The following MSH3 variants were observed in gnomAD, a reference collection of about 807,000 sequenced individuals.
MSH3 encodes mutS homolog 3.
MSH3 carries 106 observed loss-of-function variants against 123.3 expected under a neutral mutation model. The ratio of observed to expected loss-of-function variants is 0.86; its 90% CI spans 0.73 to 1.01. The LOEUF (loss-of-function observed/expected upper bound fraction) is 1.01. Ranked by LOEUF, MSH3 falls within the 50% of genes least tolerant of loss-of-function variation. The pLI is 0.00. For missense variants in MSH3, 1,459 were observed against 1,347.6 expected (o/e 1.08, Z -1.29); for synonymous variants, 515 against 481.4 (o/e 1.07, Z -0.91).
chr5:80,853,337 T>C (rs142176478), intron 20 of MSH3, among the ~76,000 whole-genome samples: 1 of 152,234 alleles, frequency 6.6e-6, no homozygotes, highest in African/African-American at 2.4e-5. Flanking sequence ...TAGCCAGGTG[T>C]GGTGGCATGC....
intron 2 of MSH3, among the ~76,000 whole-genome samples, chr5:80,661,704 C>G (rs1749438731): frequency 6.6e-6 from 1 of 152,084 alleles, no homozygotes; most frequent in Non-Finnish European, 1.5e-5. Context: ...CAGATTTTTC[C>G]TATTTTTTGC....
At chr5:80,667,706 A>G (rs1388593606) in intron 3 of MSH3, among the ~76,000 whole-genome samples, 1 of 152,166 alleles carries the variant, frequency 6.6e-6, no homozygotes, top group Non-Finnish European at 1.5e-5. Context: ...GCGTACCACA[A>G]ACAGCTTCCA....
At chr5:80,698,777 G>A (rs1027425180) in intron 8 of MSH3, among the ~76,000 whole-genome samples, 2 of 148,174 alleles carry the variant, frequency 1.3e-5, no homozygotes, top group Admixed American at 6.7e-5. Flanking sequence ...ACAGGAAGGG[G>A]AACCTCACAC....
At chr5:80,684,439 T>G (rs182487155) in intron 8 of MSH3, among the ~76,000 whole-genome samples, 43 of 152,330 alleles carry the variant, frequency 2.8e-4, no homozygotes, top group African/African-American at 9.9e-4. Flanking sequence ...GTAGCTATTG[T>G]AAATGGGATT....
In MSH3 at chr5:80,787,686, C is replaced by CA; in HGVS notation, c.2543+15dup. 6.5e-7 allele frequency: 1 copy of CA among 1,544,814 alleles called. No individual in the cohort carries two copies. The highest frequency in any genetic ancestry group is 9.0e-7 in the Non-Finnish European group (1 of 1,117,230). On this transcript the variant is annotated intron_variant, in intron 18 of 23. Coordinates refer to ENST00000265081, the MANE Select transcript of MSH3 (RefSeq NM_002439.5). Reference sequence around the variant, plus strand: ...AGATTACTGCAGGTAAGATATTTTTCATTTTCCTCTTTATCAGTGCTTTAG... The same window carrying CA: ...AGATTACTGCAGGTAAGATATTTTTCAATTTTCCTCTTTATCAGTGCTTTAG...
chr5:80,746,354 G>A (rs576207097), intron 12 of MSH3: 100 of 386,938 alleles, frequency 2.6e-4, no homozygotes, highest in Non-Finnish European at 4.2e-4. Context: ...TGTTCACACC[G>A]CTGGTTCGCT....
At chr5:80,838,359 A>G (rs999194956) in intron 20 of MSH3, among the ~76,000 whole-genome samples, 3 of 152,160 alleles carry the variant, frequency 2.0e-5, no homozygotes, top group Non-Finnish European at 4.4e-5. Context: ...ATGACTGACT[A>G]TCCTTTTGAG....
At position 80,843,981 on chromosome 5, in the gene MSH3, T is replaced by C. The variant is rs186828919; in HGVS notation, c.2814-10149T>C. ...GCTCTTGCTTCTCTAGTTCTTTTAA[T>C]TGTGATGTTAAGGTGTCGATTTTAG... On this transcript the variant is annotated intron_variant, in intron 20 of 23. Transcript: ENST00000265081. Among the ~76,000 whole-genome samples, 43 of 152,008 alleles carry C rather than the reference T, an allele frequency of 2.8e-4. No individual in the cohort carries two copies. In the East Asian group the frequency reaches 7.0e-3, roughly 25 times the overall value.
chr5:80,698,057 T>G lies in MSH3; in HGVS notation c.1340+18964T>G, dbSNP rs6151687. On this transcript the variant is annotated intron_variant, in intron 8 of 23. Coordinates refer to ENST00000265081, the MANE Select transcript of MSH3 (RefSeq NM_002439.5). ...TGAGTAGCTGGGACTGCAGGTGTGC[T>G]CAACCACACCCAGCTAATTTTTTTT... 7.5e-3 allele frequency among the ~76,000 whole-genome samples: 1,143 copies of G among 152,024 alleles called. 16 individuals carry two copies. Among genetic ancestry groups the G allele is most frequent in the African/African-American group, 0.025 (1,039 of 41,472 alleles).
At chr5:80,855,055 T>C (rs1004220215) in intron 21 of MSH3, among the ~76,000 whole-genome samples, 20 of 152,290 alleles carry the variant, frequency 1.3e-4, no homozygotes, top group Middle Eastern at 3.4e-3. Context: ...ACATGTCTCC[T>C]TTTTTTCAGG....
chr5:80,657,762 T>C (rs1382542), intron 2 of MSH3, among the ~76,000 whole-genome samples: 39,496 of 152,062 alleles, frequency 0.26, 5,332 homozygotes, highest in Middle Eastern at 0.36. Flanking sequence ...AACATGAAAG[T>C]GTTAGTATGA....
In MSH3 at chr5:80,768,028, G is replaced by A. The variant is rs144019582; in HGVS notation, c.1992G>A (p.Gln664=). ...AIIPAVNSHI[Q]SDLLRTVILE... ...TACCTGCTGTTAATTCCCACATTCA[G>A]TCAGACTTGCTCCGGACCGTTATTT... The change falls in exon 14 of 24, where the codon CAG becomes CAA. Residue 664 remains glutamine, a synonymous_variant. Coordinates refer to ENST00000265081, the MANE Select transcript of MSH3 (RefSeq NM_002439.5). 8.9e-4 allele frequency: 1,430 copies of A among 1,613,706 alleles called. 3 individuals carry two copies. The highest frequency in any genetic ancestry group is 1.0e-3 in the Non-Finnish European group (1,227 of 1,179,750).
chr5:80,710,660 A>G (rs1750839152), intron 8 of MSH3, among the ~76,000 whole-genome samples: 1 of 152,166 alleles, frequency 6.6e-6, no homozygotes, highest in African/African-American at 2.4e-5. Flanking sequence ...GTTAACTGAG[A>G]ATATGTGCAC....
intron 18 of MSH3, among the ~76,000 whole-genome samples, chr5:80,789,958 T>A (rs1744580556): frequency 6.6e-6 from 1 of 152,222 alleles, no homozygotes; most frequent in African/African-American, 2.4e-5. Context: ...ACCTGTTATG[T>A]TGACAAACAT....
chr5:80,674,557 C>G (rs1046146762), intron 6 of MSH3, among the ~76,000 whole-genome samples: 3 of 152,076 alleles, frequency 2.0e-5, no homozygotes, highest in Non-Finnish European at 2.9e-5. Flanking sequence ...GTCTGGTGTA[C>G]TCCACTAAGC....
At chr5:80,740,317 C>G (rs1043357503) in intron 10 of MSH3, among the ~76,000 whole-genome samples, 1 of 151,366 alleles carries the variant, frequency 6.6e-6, no homozygotes, top group Non-Finnish European at 1.5e-5. Context: ...TGTTTTATAC[C>G]CACTAAATTT....
intron 20 of MSH3, among the ~76,000 whole-genome samples, chr5:80,849,815 T>C (rs998841250): frequency 3.3e-5 from 5 of 152,160 alleles, no homozygotes; most frequent in Non-Finnish European, 7.3e-5. Flanking sequence ...CCCCATTGTC[T>C]TGGGGATTAA....
intron 12 of MSH3, among the ~76,000 whole-genome samples, chr5:80,759,253 T>G (rs1743988724): frequency 6.6e-6 from 1 of 152,160 alleles, no homozygotes; most frequent in South Asian, 2.1e-4. Flanking sequence ...AATACAATTA[T>G]GATTACCATT....
At position 80,700,277 on chromosome 5, in the gene MSH3, A is replaced by C. The variant is rs77695411; in HGVS notation, c.1340+21184A>C. Among the ~76,000 whole-genome samples the C allele has an allele frequency of 5.9e-4, 90 of 152,292 alleles. 2 individuals are homozygous for C. In the East Asian group the frequency reaches 0.016, roughly 27 times the overall value. On this transcript the variant is annotated intron_variant, in intron 8 of 23. Coordinates refer to ENST00000265081, the MANE Select transcript of MSH3 (RefSeq NM_002439.5). ...GTGCCTGTAATCCCACCTTCTCAGG[A>C]GGCTGAGGCAGGAGAATTGTTCGAA...
Sources: gnomAD v4.1 joint callset for allele counts (sites outside exome capture counted in the v4.1 genomes callset) on GRCh38, gnomAD v4.1.1 for gene constraint, MANE v1.5 for transcripts, NCBI Gene and HGNC (gene_info 2026-07-23, HGNC 2026-07-21) for gene names.